Variants in FAM186A observed in about 807,000 individuals in gnomAD.
FAM186A encodes family with sequence similarity 186 member A, also known as protein FAM186A.
FAM186A carries 163 observed loss-of-function variants against 216.8 expected under a neutral mutation model. The observed-to-expected ratio is 0.75, with a 90% CI of 0.66 to 0.86. The LOEUF (loss-of-function observed/expected upper bound fraction) is 0.86. Ranked by LOEUF, FAM186A falls within the 40% of genes least tolerant of loss-of-function variation. The pLI, the probability that FAM186A is intolerant of heterozygous loss-of-function variation, is 0.00. For synonymous variants in FAM186A, 805 were observed against 1,025.3 expected, an observed-to-expected ratio of 0.79 and a Z score of 4.10; for missense variants, 2,184 against 2,746.2, an observed-to-expected ratio of 0.80 and a Z score of 4.58.
intron 1 of FAM186A, among the ~76,000 whole-genome samples, chr12:50,394,653 C>T (rs536485078): frequency 1.3e-5 from 2 of 151,070 alleles, no homozygotes; most frequent in South Asian, 4.2e-4. Context: ...TCTTGAACTC[C>T]AGGACTCAAG....
chr12:50,396,207 G>T, intron 1 of FAM186A, 86 bp downstream of exon 1: 2 of 1,276,010 alleles, frequency 1.6e-6, no homozygotes, highest in South Asian at 1.8e-5. Flanking sequence ...TCATGAAAGT[G>T]ATTTCTAAAA....
chr12:50,333,821 C>T, intron 5 of FAM186A, 90 bp downstream of exon 5: 1 of 1,231,080 alleles, frequency 8.1e-7, no homozygotes, highest in African/African-American at 1.5e-5. Flanking sequence ...AGTAATATGA[C>T]ATGGTGTCTC....
chr12:50,356,067 G>A lies in FAM186A; in HGVS notation c.765C>T (p.Asn255=), dbSNP rs1341273733. ...TTGATGATATATATTTAATAGCATT[G>A]TTTTCCAATGTACTGAACATTGTGG... ...IGTTMFSTLE[N]NAIKYISSTI... The change falls in exon 4 of 8, where the codon AAC becomes AAT. Residue 255 remains asparagine, a synonymous_variant. Coordinates refer to ENST00000327337, the MANE Select transcript of FAM186A (RefSeq NM_001145475.3). The A allele has an allele frequency of 1.0e-5, 16 of 1,551,478 alleles. No individual in the cohort carries two copies. In the East Asian group the frequency reaches 3.4e-4, roughly 33 times the overall value.
chr12:50,342,309 A>AAAAAAC (rs1421582546), intron 4 of FAM186A, among the ~76,000 whole-genome samples: 3 of 151,842 alleles, frequency 2.0e-5, no homozygotes, highest in East Asian at 1.9e-4. Flanking sequence ...CTTGTCTTAA[A>AAAAAAC]AAAAACAAAA....
intron 2 of FAM186A, among the ~76,000 whole-genome samples, chr12:50,361,970 T>A (rs139858603): frequency 6.6e-6 from 1 of 151,826 alleles, no homozygotes; most frequent in African/African-American, 2.4e-5. Flanking sequence ...TTTGTTGTTG[T>A]TGTTGTTTTT....
chr12:50,340,248 G>A (rs915458495), intron 4 of FAM186A, among the ~76,000 whole-genome samples: 7 of 151,996 alleles, frequency 4.6e-5, no homozygotes, highest in African/African-American at 9.7e-5. Flanking sequence ...CTGCACATGC[G>A]CCATTATTGT....
intron 1 of FAM186A, among the ~76,000 whole-genome samples, chr12:50,379,796 A>G (rs1246144734): frequency 6.6e-6 from 1 of 152,216 alleles, no homozygotes; most frequent in Non-Finnish European, 1.5e-5. Context: ...CAAAAAAAAA[A>G]AGTAAAGCAC....
rs1565885476 is a variant in FAM186A at position 50,352,982 on chromosome 12, C to T, written c.3850G>A (p.Ala1284Thr). 1.3e-6 allele frequency: 2 copies of T among 1,531,934 alleles called. No homozygotes were observed. Among genetic ancestry groups the T allele is most frequent in the Non-Finnish European group, 1.8e-6 (2 of 1,136,064 alleles). The allele number at this position is 1,531,934 out of a possible 1,614,324, so 94.9% of individuals were successfully genotyped here. The stretch of plus-strand genomic sequence containing the variant: ...TTGAGAGGGATCCCCAATTCCTGAG[C>T]CTGCTTAGGGGTGAGAGTGATCCCC... ...ALGITLTPKQ[A>T]QELGIPLNPQ... Residue 1284 changes from alanine (A) to threonine (T), a missense_variant, in exon 4 of 8, where the codon GCT (alanine) becomes ACT (threonine). Around this residue, in one of 7 missense-constraint regions of FAM186A, gnomAD observed 267 missense variants for 446.2 expected, o/e 0.60. Transcript: ENST00000327337.
At chr12:50,376,036 G>A (rs968771018) in intron 1 of FAM186A, among the ~76,000 whole-genome samples, 3 of 152,120 alleles carry the variant, frequency 2.0e-5, no homozygotes, top group South Asian at 4.1e-4. Flanking sequence ...CCAGGTGCTG[G>A]CACAAGCACT....
At chr12:50,374,194 TA>T (rs1476453752) in intron 1 of FAM186A, among the ~76,000 whole-genome samples, 1 of 150,708 alleles carries the variant, frequency 6.6e-6, no homozygotes, top group East Asian at 2.0e-4. Context: ...GAGATACACC[TA>T]ATGCTAGATG....
At chr12:50,387,397 G>A (rs1233214940) in intron 1 of FAM186A, among the ~76,000 whole-genome samples, 1 of 152,140 alleles carries the variant, frequency 6.6e-6, no homozygotes, top group African/African-American at 2.4e-5. Context: ...TTCATCATCT[G>A]GTACCAGGAA....
intron 7 of FAM186A, 135 bp from the exon 8 acceptor site, chr12:50,327,539 CCTT>C: frequency 1.7e-6 from 1 of 596,420 alleles, no homozygotes; most frequent in African/African-American, 1.9e-5. Flanking sequence ...TGTATGTAAT[CCTT>C]TTTTTTTTTT....
At chr12:50,340,521 G>A (rs1012871614) in intron 4 of FAM186A, among the ~76,000 whole-genome samples, 5 of 151,900 alleles carry the variant, frequency 3.3e-5, no homozygotes, top group Non-Finnish European at 7.4e-5. Flanking sequence ...ACCAGTCTGG[G>A]CAACAGAGGG....
Position 50,330,606 on chromosome 12 carries a change from G to A in FAM186A, c.7001C>T (p.Thr2334Ile). The A allele has an allele frequency of 1.3e-6, 2 of 1,550,630 alleles. No individual in the cohort carries two copies. The highest frequency in any genetic ancestry group is 1.7e-6 in the Non-Finnish European group (2 of 1,146,568). Residue 2334 changes from threonine (T) to isoleucine (I), a missense_variant, in exon 7 of 8, where the codon ACC becomes ATC. Around this residue, in one of 7 missense-constraint regions of FAM186A, gnomAD observed 721 missense variants for 816.4 expected, o/e 0.88. Coordinates refer to ENST00000327337, the MANE Select transcript of FAM186A (RefSeq NM_001145475.3). ...PRLLQLEVQS[T>I]FRKSLASLQS... ...GAGGGATGCAAGAGATTTTCGGAAG[G>A]TAGACTGCACTTCTAACTGAAGCAG...
chr12:50,374,579 G>A (rs539796581), intron 1 of FAM186A, among the ~76,000 whole-genome samples: 1 of 152,188 alleles, frequency 6.6e-6, no homozygotes, highest in Non-Finnish European at 1.5e-5. Context: ...AAAAGAAGTT[G>A]ACAAAATTCA....
At chr12:50,330,057 A>G (rs1942641568) in intron 7 of FAM186A, among the ~76,000 whole-genome samples, 1 of 152,210 alleles carries the variant, frequency 6.6e-6, no homozygotes, top group Admixed American at 6.5e-5. Flanking sequence ...TAAAGCCCTT[A>G]TTTCCTCTGG....
At chr12:50,357,848 G>C (rs1942993810) in intron 3 of FAM186A, among the ~76,000 whole-genome samples, 1 of 152,084 alleles carries the variant, frequency 6.6e-6, no homozygotes, top group African/African-American at 2.4e-5. Flanking sequence ...AGCAAAGCCT[G>C]GAAAAGCCCA....
intron 6 of FAM186A, 74 bp downstream of exon 6, chr12:50,331,596 G>A (rs1291463479): frequency 1.5e-6 from 2 of 1,363,498 alleles, no homozygotes; most frequent in Admixed American, 5.2e-5. Context: ...AGAAAGGGAA[G>A]TTCTTGGGCA....
Position 50,360,415 on chromosome 12 carries a change from T to C in FAM186A, c.583+341A>G, listed in dbSNP as rs368046341. Among the ~76,000 whole-genome samples, 5 of 151,134 alleles carry C rather than the reference T, an allele frequency of 3.3e-5. No individual in the cohort carries two copies. The East Asian group carries it at 7.8e-4, about 23-fold the overall frequency. ...TGTTTTTTTTTTTGGCTGGGTGCAG[T>C]GGCTCACGCCTGTAATCCCAGCACT... On this transcript the variant is annotated intron_variant, in intron 3 of 7. Transcript: ENST00000327337.
Sources: allele counts gnomAD v4.1 joint callset (sites outside exome capture counted in the v4.1 genomes callset), GRCh38; gene constraint gnomAD v4.1.1; regional missense constraint gnomAD v4.1.1; transcripts MANE v1.5; gene names NCBI Gene and HGNC (gene_info 2026-07-23, HGNC 2026-07-21).